CDH11: variants seen among roughly 807,000 people sequenced by gnomAD.
The protein encoded by CDH11 is cadherin-11.
Under a neutral mutation model 67.8 loss-of-function variants are expected in CDH11, and 11 were observed. The observed-to-expected ratio is 0.16, with a 90% confidence interval of 0.10 to 0.27. CDH11 has a LOEUF of 0.27. CDH11 is among the 10% of genes least tolerant of loss of function. CDH11 has a pLI of 1.00. For synonymous variants in CDH11, 419 were observed against 400.0 expected, an observed-to-expected ratio of 1.05 and a Z score of -0.57; for missense variants, 847 against 1,031.2, an observed-to-expected ratio of 0.82 and a Z score of 2.45.
chr16:65,041,630 G>T (rs943864811), intron 2 of CDH11, among the ~76,000 whole-genome samples: 1 of 152,156 alleles, frequency 6.6e-6, no homozygotes, highest in East Asian at 1.9e-4. Flanking sequence ...ATACTAACAG[G>T]CTTCATAAAC....
intron 2 of CDH11, among the ~76,000 whole-genome samples, chr16:65,048,140 C>T (rs527758800): frequency 3.3e-5 from 5 of 152,310 alleles, no homozygotes; most frequent in African/African-American, 1.2e-4. Context: ...TGAGTAAACA[C>T]ATCCAGAGTC....
intron 2 of CDH11, among the ~76,000 whole-genome samples, chr16:65,050,332 T>C (rs2074033696): frequency 6.6e-6 from 1 of 152,178 alleles, no homozygotes; most frequent in South Asian, 2.1e-4. Flanking sequence ...CCATGCCACA[T>C]TTGTTTAAAG....
chr16:65,070,091 T>C (rs1364827462), intron 1 of CDH11, among the ~76,000 whole-genome samples: 1 of 152,208 alleles, frequency 6.6e-6, no homozygotes, highest in East Asian at 1.9e-4. Flanking sequence ...CCTGCCACTG[T>C]ACGATTGTGG....
chr16:64,985,640 G>C (rs1350191693), intron 7 of CDH11: 1 of 151,560 alleles, frequency 6.6e-6, no homozygotes, highest in Admixed American at 6.6e-5. Context: ...TTCAACTGGG[G>C]AGTGATTTTG....
intron 2 of CDH11, among the ~76,000 whole-genome samples, chr16:65,023,003 G>A (rs1444971354): frequency 6.6e-6 from 1 of 152,146 alleles, no homozygotes; most frequent in African/African-American, 2.4e-5. Context: ...GACTACAAAT[G>A]TGACAAAGAA....
intron 11 of CDH11, 53 bp downstream of exon 11, chr16:64,971,526 C>T (rs1409412229): frequency 4.9e-6 from 5 of 1,028,854 alleles, no homozygotes; most frequent in Non-Finnish European, 7.5e-6. Flanking sequence ...AATGTAAACG[C>T]CATTTGTTTT....
chr16:64,997,732 C>A (rs2072811097), intron 4 of CDH11, among the ~76,000 whole-genome samples: 1 of 152,186 alleles, frequency 6.6e-6, no homozygotes, highest in Non-Finnish European at 1.5e-5. Flanking sequence ...GCTCTGTATG[C>A]ACAGTGGAAG....
chr16:65,107,807 G>A (rs2075089435), intron 1 of CDH11, among the ~76,000 whole-genome samples: 1 of 151,968 alleles, frequency 6.6e-6, no homozygotes, highest in African/African-American at 2.4e-5. Context: ...GTGATTTGTG[G>A]AGGAAGATTT....
At chr16:65,107,716 G>A (rs1428362942) in intron 1 of CDH11, among the ~76,000 whole-genome samples, 1 of 152,172 alleles carries the variant, frequency 6.6e-6, no homozygotes, top group Non-Finnish European at 1.5e-5. Context: ...GCAAACCTGT[G>A]CATTCACATC....
intron 1 of CDH11, among the ~76,000 whole-genome samples, chr16:65,085,874 T>C (rs2074689186): frequency 6.6e-6 from 1 of 152,250 alleles, no homozygotes; most frequent in South Asian, 2.1e-4. Flanking sequence ...ACTATCCTTA[T>C]ACTCTTTTTC....
At chr16:65,002,788 T>G (rs979096828) in intron 3 of CDH11, among the ~76,000 whole-genome samples, 6 of 152,210 alleles carry the variant, frequency 3.9e-5, no homozygotes, top group Admixed American at 1.3e-4. Context: ...ACTGGATAAT[T>G]CCTGTTCATC....
At chr16:64,998,912 T>C in intron 3 of CDH11, 56 bp from the exon 4 acceptor site, 1 of 1,459,940 alleles carries the variant, frequency 6.8e-7, no homozygotes, top group Non-Finnish European at 9.5e-7. Flanking sequence ...GTGGGGAAAC[T>C]CACTTACAAG....
At chr16:64,950,611 C>T (rs576587266) in intron 12 of CDH11, among the ~76,000 whole-genome samples, 156 bp downstream of exon 12, 1 of 136,794 alleles carries the variant, frequency 7.3e-6, no homozygotes, top group Non-Finnish European at 1.6e-5. Context: ...GCCCCCACAA[C>T]GCCCACCCCG....
intron 9 of CDH11, 100 bp downstream of exon 9, chr16:64,972,804 A>G: frequency 7.7e-7 from 1 of 1,292,380 alleles, no homozygotes; most frequent in Non-Finnish European, 1.1e-6. Flanking sequence ...TTTAAGACCA[A>G]AAAAGTTAGT....
chr16:65,034,235 T>A (rs985291174), intron 2 of CDH11, among the ~76,000 whole-genome samples: 1 of 152,132 alleles, frequency 6.6e-6, no homozygotes, highest in East Asian at 1.9e-4. Context: ...GAGGAAGGCA[T>A]GAAACAGATT....
At chr16:64,966,990 A>G (rs2071850735) in intron 11 of CDH11, among the ~76,000 whole-genome samples, 1 of 152,206 alleles carries the variant, frequency 6.6e-6, no homozygotes, top group Non-Finnish European at 1.5e-5. Flanking sequence ...ATAATTATTA[A>G]AAACACCTGG....
intron 2 of CDH11, among the ~76,000 whole-genome samples, chr16:65,047,029 G>T (rs963775437): frequency 6.6e-6 from 1 of 152,126 alleles, no homozygotes; most frequent in Non-Finnish European, 1.5e-5. Context: ...CATGAAAATC[G>T]CTTGAACCTC....
chr16:64,982,579 C>A, intron 7 of CDH11: 1 of 302,186 alleles, frequency 3.3e-6, no homozygotes. Flanking sequence ...CTAATGTTGC[C>A]CAAATAAGTC....
At chr16:65,105,203 C>T (rs2075048296) in intron 1 of CDH11, among the ~76,000 whole-genome samples, 1 of 151,960 alleles carries the variant, frequency 6.6e-6, no homozygotes, top group Admixed American at 6.6e-5. Flanking sequence ...TTTGTTGTTG[C>T]TGTTTGTTTA....
Sources: allele counts gnomAD v4.1 joint callset (sites outside exome capture counted in the v4.1 genomes callset), GRCh38; gene constraint gnomAD v4.1.1; transcripts MANE v1.5; gene names NCBI Gene and HGNC (gene_info 2026-07-23, HGNC 2026-07-21).